Variants in SLC39A11 observed in about 807,000 individuals in gnomAD.
SLC39A11 encodes the protein zinc transporter ZIP11.
A neutral mutation model predicts 36.1 loss-of-function variants in SLC39A11; 33 were observed. The ratio of observed to expected loss-of-function variants is 0.91; its 90% CI spans 0.69 to 1.22. The LOEUF is 1.22. Among genes scored for constraint, SLC39A11 ranks in the 50% most tolerant of loss-of-function variants. The pLI is 0.00. For synonymous variants in SLC39A11, 166 were observed against 170.3 expected (o/e 0.97, Z 0.20); for missense variants, 432 against 430.3 (o/e 1.00, Z -0.03).
At chr17:73,092,377 A>C (rs1245175306) in intron 1 of SLC39A11, 1 of 152,296 alleles carries the variant, frequency 6.6e-6, no homozygotes, top group Non-Finnish European at 1.5e-5. Context: ...CACCCTGGAG[A>C]GGGACATAGC....
chr17:72,909,757 T>TTTC (rs776707893), intron 5 of SLC39A11, among the ~76,000 whole-genome samples: 1 of 110,712 alleles, frequency 9.0e-6, no homozygotes, highest in African/African-American at 3.4e-5. Flanking sequence ...TTTCTTTTTT[T>TTTC]TTTTTTGAGA....
At chr17:72,762,787 A>T in intron 6 of SLC39A11, among the ~76,000 whole-genome samples, 1 of 151,958 alleles carries the variant, frequency 6.6e-6, no homozygotes, top group Admixed American at 6.6e-5. Context: ...AGACCTTCCC[A>T]TTCGATTCCT....
At chr17:73,022,595 TAAAAAA>T (rs10675859) in intron 4 of SLC39A11, among the ~76,000 whole-genome samples, 6 of 56,764 alleles carry the variant, frequency 1.1e-4, no homozygotes, top group African/African-American at 3.2e-4. Context: ...AACTCCATCT[TAAAAAA>T]AAAAAAAAAA....
intron 7 of SLC39A11, among the ~76,000 whole-genome samples, chr17:72,729,426 TATATATATATATATATATATATATATA>T (rs1567994514): frequency 0.019 from 102 of 5,304 alleles, 10 homozygotes; most frequent in African/African-American, 0.03. Context: ...TATATATATA[TATATATATATATATATATATATATATA>T]TATATTTTTT....
At chr17:73,079,729 C>T (rs1270967857) in intron 3 of SLC39A11, among the ~76,000 whole-genome samples, 3 of 152,110 alleles carry the variant, frequency 2.0e-5, no homozygotes, top group East Asian at 1.9e-4. Context: ...ACGATATGAT[C>T]GTATACCTAG....
At chr17:72,948,094 AC>A (rs1292264514) in intron 4 of SLC39A11, among the ~76,000 whole-genome samples, 1 of 152,224 alleles carries the variant, frequency 6.6e-6, no homozygotes, top group African/African-American at 2.4e-5. Context: ...AAAGAAAAAA[AC>A]AACACGATCT....
At chr17:72,915,896 A>G (rs11867727) in intron 5 of SLC39A11, among the ~76,000 whole-genome samples, 22,054 of 152,210 alleles carry the variant, frequency 0.14, 1,912 homozygotes, top group Non-Finnish European at 0.2. Context: ...TCATGTAAAT[A>G]GAAACCAGCC....
In SLC39A11 at chr17:72,853,684, C is replaced by A. The variant is rs559033394; in HGVS notation, c.431-3880G>T. Among the ~76,000 whole-genome samples, 4 of 152,204 alleles carry A rather than the reference C, an allele frequency of 2.6e-5. No homozygotes were observed. In the East Asian group the frequency reaches 7.7e-4, roughly 29 times the overall value. On this transcript the variant is annotated intron_variant, in intron 5 of 9. Coordinates refer to ENST00000255559, the MANE Select transcript of SLC39A11 (RefSeq NM_139177.4). ...CAGGAGGGTGTGAATGCCTCACGTC[C>A]TTGTGAAAGTTAAATAAGCCACCAT...
intron 6 of SLC39A11, among the ~76,000 whole-genome samples, chr17:72,838,812 C>T (rs372281006): frequency 2.1e-4 from 32 of 152,248 alleles, no homozygotes; most frequent in African/African-American, 7.7e-4. Flanking sequence ...AAGCCACAAA[C>T]GTCTGTCACT....
chr17:72,939,617 A>G (rs2084972485), intron 5 of SLC39A11, among the ~76,000 whole-genome samples: 1 of 152,196 alleles, frequency 6.6e-6, no homozygotes. Context: ...CACTTCACAG[A>G]CACACACAGG....
At chr17:72,665,748 A>G (rs1467922509) in intron 7 of SLC39A11, among the ~76,000 whole-genome samples, 1 of 151,968 alleles carries the variant, frequency 6.6e-6, no homozygotes, top group Non-Finnish European at 1.5e-5. Flanking sequence ...TCTCAATGAA[A>G]TCTACCTTTT....
chr17:72,812,500 A>T (rs2077463700), intron 6 of SLC39A11, among the ~76,000 whole-genome samples: 1 of 152,246 alleles, frequency 6.6e-6, no homozygotes, highest in Non-Finnish European at 1.5e-5. Flanking sequence ...CAAGAAGATA[A>T]TGTGCCTTTA....
At chr17:73,032,574 T>C (rs1421203004) in intron 3 of SLC39A11, among the ~76,000 whole-genome samples, 1 of 152,330 alleles carries the variant, frequency 6.6e-6, no homozygotes, top group East Asian at 1.9e-4. Context: ...TTCCACTGTA[T>C]TGTAACACAG....
intron 5 of SLC39A11, among the ~76,000 whole-genome samples, chr17:72,888,134 T>C (rs2081529642): frequency 6.6e-6 from 1 of 152,222 alleles, no homozygotes; most frequent in African/African-American, 2.4e-5. Context: ...ACTGAATAAC[T>C]ATTCCACAGA....
intron 7 of SLC39A11, among the ~76,000 whole-genome samples, chr17:72,684,617 T>C (rs2071660886): frequency 6.6e-6 from 1 of 152,200 alleles, no homozygotes; most frequent in Admixed American, 6.5e-5. Flanking sequence ...AAACTCTATT[T>C]GGCAGCTGGT....
chr17:72,705,835 C>T (rs373892699), intron 7 of SLC39A11, among the ~76,000 whole-genome samples: 12 of 152,150 alleles, frequency 7.9e-5, no homozygotes, highest in East Asian at 7.7e-4. Flanking sequence ...AGTGAATGTG[C>T]GACATTCACT....
rs367570397 is a variant in SLC39A11 at position 72,646,147 on chromosome 17, C to T, written c.*1437G>A. The T allele has an allele frequency of 2.0e-5, 3 of 152,662 alleles. No individual in the cohort carries two copies. The highest frequency in any genetic ancestry group is 6.5e-5 in the Admixed American group (1 of 15,280). The allele number at this position is 152,662 out of a possible 1,614,324, so 9.5% of individuals were successfully genotyped here. A position where few individuals can be genotyped will look rare whatever the true frequency, so the allele number is the denominator to read the frequency against. ...TTTGATCATCAGTGCTTCGGAAGAA[C>T]GTACATAGACCCAGCCCAAGGTTGG... On this transcript the variant is annotated 3_prime_UTR_variant, in exon 10 of 10. Coordinates refer to ENST00000255559, the MANE Select transcript of SLC39A11 (RefSeq NM_139177.4).
intron 6 of SLC39A11, among the ~76,000 whole-genome samples, chr17:72,757,333 G>A (rs747352852): frequency 5.9e-5 from 9 of 152,108 alleles, no homozygotes; most frequent in Non-Finnish European, 1.3e-4. Flanking sequence ...TTGACTCAAT[G>A]ACCCTGAAGA....
chr17:72,729,797 T>G (rs561688063), intron 7 of SLC39A11, among the ~76,000 whole-genome samples: 11 of 152,046 alleles, frequency 7.2e-5, no homozygotes, highest in African/African-American at 2.7e-4. Flanking sequence ...TGAAGAGCCC[T>G]TGAGAGGAGC....
Sources: gnomAD v4.1 joint callset for allele counts (sites outside exome capture counted in the v4.1 genomes callset) on GRCh38, gnomAD v4.1.1 for gene constraint, MANE v1.5 for transcripts, NCBI Gene and HGNC (gene_info 2026-07-23, HGNC 2026-07-21) for gene names.